GNAI2: variants seen among roughly 807,000 people sequenced by gnomAD.
The protein encoded by GNAI2 is G protein subunit alpha i2.
A neutral mutation model predicts 36.8 loss-of-function variants in GNAI2; 4 were observed. The ratio of observed to expected loss-of-function variants is 0.11; its 90% CI spans 0.05 to 0.25. The LOEUF is 0.25. Among genes scored for constraint, GNAI2 ranks in the 10% least tolerant of loss-of-function variants. The probability of loss-of-function intolerance (pLI) is 1.00; values close to 1 mark genes in which losing one functional copy is unlikely to be tolerated. For missense variants in GNAI2, 230 were observed against 481.3 expected (o/e 0.48, Z 4.89); for synonymous variants, 194 against 194.1 (o/e 1.00, Z 0.01).
rs781917854 is a variant in GNAI2 at position 50,258,979 on chromosome 3, C to T, written c.*636C>T. On this transcript the variant is annotated 3_prime_UTR_variant, in exon 9 of 9. Transcript: ENST00000313601. ...GTCAGATCCTGACCAGCAAGCCCCC[C>T]CCCAGCCCCCCTTCCAAGTGACTCC... The T allele has an allele frequency of 3.1e-5, 14 of 447,114 alleles. No individual in the cohort carries two copies. The highest frequency in any genetic ancestry group is 2.4e-4 in the African/African-American group (12 of 49,242). The allele number at this position is 447,114 out of a possible 1,614,324, so 27.7% of individuals were successfully genotyped here. A position where few individuals can be genotyped will look rare whatever the true frequency, so the allele number is the denominator to read the frequency against.
In GNAI2 at chr3:50,242,229, T is replaced by A. The variant is rs2109191181; in HGVS notation, c.118+5776T>A. On this transcript the variant is annotated intron_variant, in intron 1 of 8. Transcript: ENST00000313601. This position sits in a 1 kb window ranked among gnomAD's most constrained non-coding sequence, Gnocchi z 4.8. Reference sequence around the variant, plus strand: ...CCACCCACAGCAGAGGAGGAGACTGTCACCCCAGAGCCTGAGTGCTGCCTC... The same window carrying A: ...CCACCCACAGCAGAGGAGGAGACTGACACCCCAGAGCCTGAGTGCTGCCTC... Among the ~76,000 whole-genome samples, 1 of 152,196 alleles carries A rather than the reference T, an allele frequency of 6.6e-6. No individual in the cohort carries two copies. The highest frequency in any genetic ancestry group is 1.5e-5 in the Non-Finnish European group (1 of 67,984).
In GNAI2 at chr3:50,242,350, C is replaced by T. The variant is rs1272202790; in HGVS notation, c.118+5897C>T. Among the ~76,000 whole-genome samples the T allele has an allele frequency of 2.6e-5, 4 of 152,258 alleles. No individual in the cohort carries two copies. The highest frequency in any genetic ancestry group is 2.6e-4 in the Admixed American group (4 of 15,300). ...AGTCTCATCTTCCCAGCATCTCAGG[C>T]CAGGAATCCCAGCCTAGGAGTTGAG... is the stretch of plus-strand genomic sequence containing the variant. On this transcript the variant is annotated intron_variant, in intron 1 of 8. Transcript: ENST00000313601. The surrounding 1 kb of genome is among the most constrained non-coding windows in gnomAD (Gnocchi z 4.8).
In GNAI2 at chr3:50,238,559, T is replaced by A. The variant is rs1700234607; in HGVS notation, c.118+2106T>A. ...TGCTTACTCTGTGAAATGGGCTTCC[T>A]GGGTTTTGGCCAAAGGAGTGCCCCA... On this transcript the variant is annotated intron_variant, in intron 1 of 8. Transcript: ENST00000313601. This position sits in a 1 kb window ranked among gnomAD's most constrained non-coding sequence, Gnocchi z 5.0. 6.6e-6 allele frequency: 1 copy of A among 152,328 alleles called. No individual in the cohort carries two copies. The highest frequency in any genetic ancestry group is 2.4e-5 in the African/African-American group (1 of 41,472). The allele number at this position is 152,328 out of a possible 1,614,324, so 9.4% of individuals were successfully genotyped here.
At chr3:50,234,066 T>A (rs1700116535), upstream of GNAI2, among the ~76,000 whole-genome samples, 1 of 143,612 alleles carries the variant, frequency 7.0e-6, no homozygotes, top group African/African-American at 2.6e-5. Flanking sequence ...CAGCTGATTT[T>A]TTTTTTTTTT....
At chr3:50,240,773 G>A (rs1009516824) in intron 1 of GNAI2, among the ~76,000 whole-genome samples, 2 of 152,066 alleles carry the variant, frequency 1.3e-5, no homozygotes, top group African/African-American at 4.8e-5. Context: ...AAAAAAATTA[G>A]CCAGGTATGG....
intron 1 of GNAI2, among the ~76,000 whole-genome samples, chr3:50,244,946 A>G (rs1419752902): frequency 3.3e-5 from 5 of 151,720 alleles, no homozygotes; most frequent in African/African-American, 9.7e-5. Context: ...ATGAGACCTC[A>G]GACTGTCCTC....
At chr3:50,234,356 C>CTT (rs1402222902), upstream of GNAI2, among the ~76,000 whole-genome samples, 1 of 134,334 alleles carries the variant, frequency 7.4e-6, no homozygotes, top group African/African-American at 2.7e-5. Context: ...CGTGCCCGGT[C>CTT]TTTTTTTTTT....
In GNAI2 at chr3:50,252,560, C is replaced by T; in HGVS notation, c.303+22C>T. 1.9e-6 allele frequency: 3 copies of T among 1,599,022 alleles called. No homozygotes were observed. Among genetic ancestry groups the T allele is most frequent in the Non-Finnish European group, 2.6e-6 (3 of 1,169,536 alleles). The stretch of plus-strand genomic sequence containing the variant: ...AGCGGTATGTGCCCTCCGCCCCACC[C>T]TCTCCCACCTCCCAAAAGGTTTCGG... On this transcript the variant is annotated intron_variant, in intron 3 of 8. Coordinates refer to ENST00000313601, the MANE Select transcript of GNAI2 (RefSeq NM_002070.4). This position sits in a 1 kb window ranked among gnomAD's most constrained non-coding sequence, Gnocchi z 4.1.
rs1276385312 is a variant in GNAI2, at chr3:50,252,874, A to AAAC, written c.304-138_304-136dup. The AAAC allele has an allele frequency of 1.5e-6, 1 of 664,786 alleles. No homozygotes were observed. 41.2% of individuals were successfully genotyped at this position (664,786 alleles called of 1,614,324 possible). On this transcript the variant is annotated intron_variant, in intron 3 of 8. Transcript: ENST00000313601. This position sits in a 1 kb window ranked among gnomAD's most constrained non-coding sequence, Gnocchi z 4.1. Reference sequence around the variant, plus strand: ...GCTAGACTCCGTCACAGAAAAAAGTAAACAACAACAACAAAAAGGTTTTAG... The same window carrying AAAC: ...GCTAGACTCCGTCACAGAAAAAAGTAAACAACAACAACAACAAAAAGGTTTTAG...
chr3:50,246,243 G>C (rs782542373), intron 1 of GNAI2, among the ~76,000 whole-genome samples: 1 of 152,224 alleles, frequency 6.6e-6, no homozygotes, highest in Non-Finnish European at 1.5e-5. Context: ...TCCCAGGGAC[G>C]GGCTGGTGGG....
chr3:50,248,993 A>G (rs1700484440), intron 1 of GNAI2, among the ~76,000 whole-genome samples: 1 of 152,046 alleles, frequency 6.6e-6, no homozygotes, highest in East Asian at 1.9e-4. Flanking sequence ...AGCGGCCCAC[A>G]TCACCTACTA....
rs781943267 is a variant in GNAI2 at position 50,252,512 on chromosome 3, A to C, written c.277A>C (p.Ile93Leu). ...AIVKAMGNLQ[I>L]DFADPSRADD... ...TGTCAAAGCCATGGGCAACCTGCAGATCGACTTTGCCGACCCCTCCAGAGC... is the reference window on the plus strand; with the variant it reads ...TGTCAAAGCCATGGGCAACCTGCAGCTCGACTTTGCCGACCCCTCCAGAGC... The change falls in exon 3 of 9, where the codon ATC becomes CTC. Residue 93 changes from isoleucine (I) to leucine (L), a missense_variant. Physicochemically the swap from Ile to Leu is conservative, Grantham distance 5 (BLOSUM62 2). Around this residue, in one of 4 missense-constraint regions of GNAI2, gnomAD observed 132 missense variants for 247.4 expected, o/e 0.53. Transcript: ENST00000313601. The surrounding 1 kb of genome is among the most constrained non-coding windows in gnomAD (Gnocchi z 4.1). 1.2e-6 allele frequency: 2 copies of C among 1,613,612 alleles called. No homozygotes were observed. Among genetic ancestry groups the C allele is most frequent in the Non-Finnish European group, 1.7e-6 (2 of 1,179,882 alleles).
chr3:50,253,002 G>T lies in GNAI2; in HGVS notation c.304-22G>T. 1 of 1,562,218 alleles carries T rather than the reference G, an allele frequency of 6.4e-7. No homozygotes were observed. Among genetic ancestry groups the T allele is most frequent in the South Asian group, 1.2e-5 (1 of 86,586 alleles). ...TGGGGGTACATTCCTTCAACTGCCT[G>T]ACCACCCGCCACTGTGCCCAGGACG... On this transcript the variant is annotated intron_variant, in intron 3 of 8. Transcript: ENST00000313601. The surrounding 1 kb of genome is among the most constrained non-coding windows in gnomAD (Gnocchi z 4.2).
chr3:50,250,368 G>A (rs1553702263), intron 1 of GNAI2, among the ~76,000 whole-genome samples: 1 of 152,188 alleles, frequency 6.6e-6, no homozygotes, highest in African/African-American at 2.4e-5. Flanking sequence ...ACCCAAGTTT[G>A]ACCTCTGCAC....
upstream of GNAI2, among the ~76,000 whole-genome samples, chr3:50,235,616 G>T (rs961697540): frequency 6.6e-6 from 1 of 152,132 alleles, no homozygotes; most frequent in Non-Finnish European, 1.5e-5. Flanking sequence ...CACTGCGCCC[G>T]GCCTTTTTTT....
chr3:50,250,397 A>AGT (rs2109206231), intron 1 of GNAI2, among the ~76,000 whole-genome samples: 1 of 152,316 alleles, frequency 6.6e-6, no homozygotes, highest in South Asian at 2.1e-4. Context: ...CTACCCACCC[A>AGT]GCTAAGCTGC....
upstream of GNAI2, among the ~76,000 whole-genome samples, chr3:50,235,731 A>G (rs1700150125): frequency 6.6e-6 from 1 of 152,202 alleles, no homozygotes. Context: ...AGATCCCAAA[A>G]CAAGTTTACT....
In GNAI2 at chr3:50,258,664, G is replaced by A; in HGVS notation, c.*321G>A. ...GGGGGCACATGCTGAGTCTCCCAAG[G>A]CTGCGTCTGGAGGGGCCCCTGCTTC... On this transcript the variant is annotated 3_prime_UTR_variant, in exon 9 of 9. Coordinates refer to ENST00000313601, the MANE Select transcript of GNAI2 (RefSeq NM_002070.4). 2.9e-6 allele frequency: 1 copy of A among 343,492 alleles called. No individual in the cohort carries two copies. 21.3% of individuals were successfully genotyped at this position (343,492 alleles called of 1,614,324 possible).
At chr3:50,243,119 TAGG>T (rs1333211766) in intron 1 of GNAI2, among the ~76,000 whole-genome samples, 1 of 152,166 alleles carries the variant, frequency 6.6e-6, no homozygotes, top group Non-Finnish European at 1.5e-5. Flanking sequence ...TGGAAGGGTC[TAGG>T]AGGTGAACAC....
Sources: allele counts gnomAD v4.1 joint callset (sites outside exome capture counted in the v4.1 genomes callset), GRCh38; gene constraint gnomAD v4.1.1; regional missense constraint gnomAD v4.1.1; non-coding constraint Gnocchi (gnomAD v3.1); transcripts MANE v1.5; gene names NCBI Gene and HGNC (gene_info 2026-07-23, HGNC 2026-07-21).